The following GUCY2C variants were observed in gnomAD, a reference collection of about 807,000 sequenced individuals.
GUCY2C encodes the protein guanylyl cyclase C.
Under a neutral mutation model 131.1 loss-of-function variants are expected in GUCY2C, and 118 were observed. The observed-to-expected ratio is 0.90, with a 90% confidence interval of 0.78 to 1.05. The LOEUF (loss-of-function observed/expected upper bound fraction) is 1.05, where lower values mean the gene tolerates loss of function less well. Among genes scored for constraint, GUCY2C ranks in the 50% least tolerant of loss-of-function variants. The pLI is 0.00. For synonymous variants in GUCY2C, 452 were observed against 457.8 expected (o/e 0.99, Z 0.16); for missense variants, 1,161 against 1,304.4 (o/e 0.89, Z 1.69).
chr12:14,631,297 T>C (rs945796879), intron 19 of GUCY2C, among the ~76,000 whole-genome samples: 1 of 152,080 alleles, frequency 6.6e-6, no homozygotes, highest in Non-Finnish European at 1.5e-5. Flanking sequence ...TAGTTACATA[T>C]GTATACATGT....
rs111227900 is a variant in GUCY2C at position 14,659,236 on chromosome 12, A to C, written c.1364+1745T>G. ...TTTTTTGTATTTTTAGTAGAGATGG[A>C]GTTTCACCATGTTGGCCAGGCTGGT... On this transcript the variant is annotated intron_variant, in intron 11 of 26. Transcript: ENST00000261170. 6.0e-4 allele frequency among the ~76,000 whole-genome samples: 91 copies of C among 151,906 alleles called. 2 individuals are homozygous for C. The highest frequency in any genetic ancestry group is 2.2e-3 in the African/African-American group (90 of 41,470).
In GUCY2C at chr12:14,621,119, A is replaced by G. The variant is rs767971550; in HGVS notation, c.2699T>C (p.Ile900Thr). Residue 900 changes from isoleucine (I) to threonine (T), a missense_variant, in exon 23 of 27, where the codon ATC becomes ACC. Coordinates refer to ENST00000261170, the MANE Select transcript of GUCY2C (RefSeq NM_004963.4). ...CTCAAAGGTCCCCATGAAGCTGAGG[A>G]TTTCCAAGGCCATCTTGGCAATGTC... ...AIDIAKMALE[I>T]LSFMGTFELE... The G allele has an allele frequency of 5.0e-6, 8 of 1,613,976 alleles. No individual in the cohort carries two copies. Among genetic ancestry groups the G allele is most frequent in the Non-Finnish European group, 6.8e-6 (8 of 1,179,918 alleles).
chr12:14,674,212 GTT>G (rs1278889036), intron 8 of GUCY2C: 2 of 240,466 alleles, frequency 8.3e-6, no homozygotes, highest in African/African-American at 4.5e-5. Context: ...ATTTTGTGGA[GTT>G]TTGATAGCTA....
At chr12:14,639,449 A>G (rs1947349689) in intron 19 of GUCY2C, among the ~76,000 whole-genome samples, 2 of 152,182 alleles carry the variant, frequency 1.3e-5, no homozygotes, top group Admixed American at 1.3e-4. Flanking sequence ...CCTGGAACCT[A>G]TGAATGCTAC....
intron 18 of GUCY2C, among the ~76,000 whole-genome samples, chr12:14,640,178 C>A (rs949477898): frequency 6.6e-6 from 1 of 151,990 alleles, no homozygotes; most frequent in Non-Finnish European, 1.5e-5. Flanking sequence ...GGATAGGCTA[C>A]CAGGTGGGGC....
chr12:14,661,473 C>T (rs751180012), intron 10 of GUCY2C, among the ~76,000 whole-genome samples: 3 of 151,970 alleles, frequency 2.0e-5, no homozygotes, highest in East Asian at 1.9e-4. Context: ...GAGTTTCACT[C>T]TGTCATCCAG....
chr12:14,694,500 G>T (rs1948623995), intron 1 of GUCY2C, among the ~76,000 whole-genome samples: 2 of 152,200 alleles, frequency 1.3e-5, no homozygotes, highest in Non-Finnish European at 2.9e-5. Flanking sequence ...GGCTCAGGGA[G>T]ACTAACCCAG....
At position 14,686,081 on chromosome 12, in the gene GUCY2C, G is replaced by A; in HGVS notation, c.395+80C>T. 4 of 855,080 alleles carry A rather than the reference G, an allele frequency of 4.7e-6. 1 individual carries two copies. The highest frequency in any genetic ancestry group is 4.5e-4 in the Middle Eastern group (2 of 4,462). The allele number at this position is 855,080 out of a possible 1,614,324, so 53.0% of individuals were successfully genotyped here. A position where few individuals can be genotyped will look rare whatever the true frequency, so the allele number is the denominator to read the frequency against. Reference sequence around the variant, plus strand: ...GACCTCAACACCTCTGATTGTGTTGGCTTGACTAGACTGTTGTTTGATGAG... The same window carrying A: ...GACCTCAACACCTCTGATTGTGTTGACTTGACTAGACTGTTGTTTGATGAG... On this transcript the variant is annotated intron_variant, in intron 3 of 26. Coordinates refer to ENST00000261170, the MANE Select transcript of GUCY2C (RefSeq NM_004963.4).
In GUCY2C at chr12:14,656,627, G is replaced by A; in HGVS notation, c.1365-10C>T. 7.7e-7 allele frequency: 1 copy of A among 1,292,840 alleles called. No homozygotes were observed. The highest frequency in any genetic ancestry group is 1.1e-6 in the Non-Finnish European group (1 of 887,670). 80.1% of individuals were successfully genotyped at this position (1,292,840 alleles called of 1,614,324 possible). A position where few individuals can be genotyped will look rare whatever the true frequency, so the allele number is the denominator to read the frequency against. ...ATCTTTTCTATATTTTCTGTGAAAGGAATAAAACTGGTCAATAGGTTTTTA... is the reference window on the plus strand; with the variant it reads ...ATCTTTTCTATATTTTCTGTGAAAGAAATAAAACTGGTCAATAGGTTTTTA... On this transcript the variant is annotated splice_polypyrimidine_tract_variant and intron_variant, in intron 11 of 26. Transcript: ENST00000261170.
chr12:14,645,440 C>T (rs1481521474), intron 15 of GUCY2C, 125 bp from the exon 16 acceptor site: 3 of 594,840 alleles, frequency 5.0e-6, no homozygotes, highest in Non-Finnish European at 8.9e-6. Flanking sequence ...ATTGGAATTC[C>T]ATTGTCTGGG....
rs756950123 is a variant in GUCY2C, at chr12:14,675,758, C to T, written c.949-998G>A. Among the ~76,000 whole-genome samples, 15 of 152,270 alleles carry T rather than the reference C, an allele frequency of 9.9e-5. No homozygotes were observed. The East Asian group carries it at 1.2e-3, about 12-fold the overall frequency. Reference sequence around the variant, plus strand: ...GAGACCAAGTGGGTTCTATTACCTCCGGCATGTTGGACTGCCCATTTGCAA... The same window carrying T: ...GAGACCAAGTGGGTTCTATTACCTCTGGCATGTTGGACTGCCCATTTGCAA... On this transcript the variant is annotated intron_variant, in intron 7 of 26. Transcript: ENST00000261170.
intron 5 of GUCY2C, among the ~76,000 whole-genome samples, chr12:14,680,074 G>A (rs1460201867): frequency 6.6e-6 from 1 of 151,864 alleles, no homozygotes; most frequent in African/African-American, 2.4e-5. Context: ...CAAGTTCAGT[G>A]CTTATTCCAT....
intron 1 of GUCY2C, among the ~76,000 whole-genome samples, chr12:14,691,170 T>C (rs1056982758): frequency 6.6e-6 from 1 of 152,212 alleles, no homozygotes; most frequent in African/African-American, 2.4e-5. Context: ...AACTTTGCTT[T>C]TTTAAGTTCG....
chr12:14,676,907 G>A lies in GUCY2C; in HGVS notation c.895C>T (p.Leu299=). 1.3e-6 allele frequency: 2 copies of A among 1,574,198 alleles called. No individual in the cohort carries two copies. The highest frequency in any genetic ancestry group is 1.7e-5 in the Admixed American group (1 of 59,174). Residue 299 remains leucine, a synonymous_variant, in exon 7 of 27, where the codon CTG becomes TTG. Transcript: ENST00000261170. ...DYMKNVLVLT[L]SPGNSLLNSS... is the part of the protein sequence containing the mutation. The stretch of plus-strand genomic sequence containing the variant: ...TTTAGAAGGGAATTCCCAGGAGACA[G>A]CGTCAGAACAAGGACATTTTTCATA...
At chr12:14,654,912 C>A (rs1947733382) in intron 12 of GUCY2C, among the ~76,000 whole-genome samples, 3 of 152,206 alleles carry the variant, frequency 2.0e-5, no homozygotes, top group Non-Finnish European at 2.9e-5. Context: ...TTCCTATAAA[C>A]TGCAACCTAA....
Position 14,645,257 on chromosome 12 carries a change from T to C in GUCY2C, c.1769A>G (p.Lys590Arg). Residue 590 changes from lysine to arginine, a missense_variant, in exon 16 of 27, where the codon AAG becomes AGG. Physicochemically the swap from Lys to Arg is conservative, Grantham distance 26 (BLOSUM62 2). Transcript: ENST00000261170. ...PDGTFMDWEFKISVLYDIAKG... is the reference protein window; with the variant it reads ...PDGTFMDWEFRISVLYDIAKG... ...AGCAATGTCATACAAGACAGAGATC[T>C]TAAACTCCCAATCCATGAATGTGCC... 6.3e-7 allele frequency: 1 copy of C among 1,590,758 alleles called. No individual in the cohort carries two copies. The highest frequency in any genetic ancestry group is 1.3e-5 in the African/African-American group (1 of 74,606).
Position 14,621,226 on chromosome 12 carries a change from C to T in GUCY2C, c.2602-10G>A. The T allele has an allele frequency of 6.2e-7, 1 of 1,606,558 alleles. No individual in the cohort carries two copies. The highest frequency in any genetic ancestry group is 8.5e-7 in the Non-Finnish European group (1 of 1,174,692). On this transcript the variant is annotated splice_polypyrimidine_tract_variant and intron_variant, in intron 22 of 26. Transcript: ENST00000261170. ...CACCGATGGTTTCCACCTGTGGAAA[C>T]AGTTTCTCATGAGTGCCTCTGCCCC... is the stretch of plus-strand genomic sequence containing the variant.
intron 21 of GUCY2C, 32 bp from the exon 22 acceptor site, chr12:14,622,229 A>G (rs1287856305): frequency 7.5e-7 from 1 of 1,339,868 alleles, no homozygotes; most frequent in African/African-American, 1.5e-5. Flanking sequence ...AAATGCCTTC[A>G]ACTTCAGCAA....
At position 14,616,616 on chromosome 12, in the gene GUCY2C, C is replaced by T. The variant is rs1208876847; in HGVS notation, c.2970+17G>A. 1 of 1,390,890 alleles carries T rather than the reference C, an allele frequency of 7.2e-7. No individual in the cohort carries two copies. The highest frequency in any genetic ancestry group is 1.0e-6 in the Non-Finnish European group (1 of 976,432). 86.2% of individuals were successfully genotyped at this position (1,390,890 alleles called of 1,614,324 possible). ...TCTGAGAGCTTTTCCTATGCATTGT[C>T]TCTGTGGACTCCTTACCTTTAAGTA... is the stretch of plus-strand genomic sequence containing the variant. On this transcript the variant is annotated intron_variant, in intron 25 of 26. Coordinates refer to ENST00000261170, the MANE Select transcript of GUCY2C (RefSeq NM_004963.4).
Sources: gnomAD v4.1 joint callset for allele counts (sites outside exome capture counted in the v4.1 genomes callset) on GRCh38, gnomAD v4.1.1 for gene constraint, MANE v1.5 for transcripts, NCBI Gene and HGNC (gene_info 2026-07-23, HGNC 2026-07-21) for gene names.